The following AAGAB variants were observed in gnomAD, a reference collection of about 807,000 sequenced individuals.
AAGAB encodes the protein alpha and gamma adaptin binding protein.
A neutral mutation model predicts 44.1 loss-of-function variants in AAGAB; 38 were observed. The ratio of observed to expected loss-of-function variants is 0.86; its 90% CI spans 0.67 to 1.13. AAGAB has a LOEUF of 1.13. Among genes scored for constraint, AAGAB ranks in the 50% most tolerant of loss-of-function variants. The probability of loss-of-function intolerance (pLI) is 0.00; values close to 1 mark genes in which losing one functional copy is unlikely to be tolerated. For synonymous variants in AAGAB, 131 were observed against 131.8 expected, an observed-to-expected ratio of 0.99 and a Z score of 0.04; for missense variants, 450 against 373.8, an observed-to-expected ratio of 1.20 and a Z score of -1.68.
chr15:67,235,059 C>T (rs185360614), intron 4 of AAGAB, among the ~76,000 whole-genome samples: 3 of 152,288 alleles, frequency 2.0e-5, no homozygotes, highest in East Asian at 1.9e-4. Flanking sequence ...CTTTAATTCA[C>T]GTTGGTTGCC....
In AAGAB at chr15:67,247,183, C is replaced by T. The variant is rs143388013; in HGVS notation, c.73+7376G>A. On this transcript the variant is annotated intron_variant, in intron 1 of 9. Transcript: ENST00000261880. ...CTCCTGAAGTCAGCGAGACCACGAA[C>T]CCACCAGAAGGAAGAAACTCCGGAC... is the stretch of plus-strand genomic sequence containing the variant. 1.4e-3 allele frequency among the ~76,000 whole-genome samples: 208 copies of T among 152,228 alleles called. 4 individuals carry two copies. The South Asian group carries it at 0.019, about 14-fold the overall frequency.
intron 7 of AAGAB, 41 bp downstream of exon 7, chr15:67,208,521 T>G (rs1486085590): frequency 1.3e-6 from 2 of 1,565,028 alleles, no homozygotes; most frequent in Admixed American, 1.7e-5. Context: ...CTATTCCAAG[T>G]TGCACAAAGC....
intron 7 of AAGAB, among the ~76,000 whole-genome samples, chr15:67,205,252 T>C (rs866278203): frequency 6.6e-6 from 1 of 152,378 alleles, no homozygotes; most frequent in South Asian, 2.1e-4. Context: ...GATAGGATGA[T>C]GACTTATAAT....
intron 4 of AAGAB, among the ~76,000 whole-genome samples, chr15:67,235,587 C>A (rs926455959): frequency 6.6e-6 from 1 of 152,060 alleles, no homozygotes; most frequent in Non-Finnish European, 1.5e-5. Flanking sequence ...TGAAATGTCC[C>A]CTGCGATTCT....
chr15:67,253,088 AT>A (rs1964914014), intron 1 of AAGAB, among the ~76,000 whole-genome samples: 1 of 152,208 alleles, frequency 6.6e-6, no homozygotes, highest in Non-Finnish European at 1.5e-5. Flanking sequence ...AGACTCGGGG[AT>A]AAGCACAATC....
At chr15:67,225,345 T>C (rs937892898) in intron 5 of AAGAB, among the ~76,000 whole-genome samples, 1 of 152,236 alleles carries the variant, frequency 6.6e-6, no homozygotes, top group Non-Finnish European at 1.5e-5. Flanking sequence ...CCACCTTTTC[T>C]ACTATTACCA....
At chr15:67,241,535 C>T (rs540609619) in intron 1 of AAGAB, among the ~76,000 whole-genome samples, 5 of 152,210 alleles carry the variant, frequency 3.3e-5, no homozygotes, top group East Asian at 1.9e-4. Context: ...CCAGTACTAA[C>T]GAGAAGGGAG....
chr15:67,203,955 C>T (rs969376188), intron 8 of AAGAB, 89 bp downstream of exon 8: 1 of 800,236 alleles, frequency 1.2e-6, no homozygotes, highest in African/African-American at 1.7e-5. Flanking sequence ...ACAAGGAATC[C>T]AATCCAGCAG....
intron 5 of AAGAB, among the ~76,000 whole-genome samples, chr15:67,214,504 C>T (rs1170452571): frequency 6.6e-6 from 1 of 152,162 alleles, no homozygotes; most frequent in South Asian, 2.1e-4. Context: ...CCTGTGCATC[C>T]CCTGCCTCTA....
chr15:67,249,816 T>C (rs1337863517), intron 1 of AAGAB, among the ~76,000 whole-genome samples: 2 of 152,250 alleles, frequency 1.3e-5, no homozygotes, highest in African/African-American at 2.4e-5. Context: ...AGTCATTTAG[T>C]ATTTCCAAAG....
intron 1 of AAGAB, among the ~76,000 whole-genome samples, chr15:67,247,764 A>G (rs1457905060): frequency 6.6e-6 from 1 of 152,230 alleles, no homozygotes; most frequent in Non-Finnish European, 1.5e-5. Context: ...CAATAGAGTC[A>G]TTTTCATTTA....
At chr15:67,219,732 C>T (rs766582081) in intron 5 of AAGAB, among the ~76,000 whole-genome samples, 1 of 151,958 alleles carries the variant, frequency 6.6e-6, no homozygotes, top group Admixed American at 6.6e-5. Context: ...GTACATGTAC[C>T]CCCAATTCTA....
intron 7 of AAGAB, among the ~76,000 whole-genome samples, chr15:67,207,139 A>C (rs11071940): frequency 0.21 from 32,648 of 152,212 alleles, 4,212 homozygotes; most frequent in East Asian, 0.5. Context: ...CGGTGAGCCG[A>C]GATCGTGCCA....
At chr15:67,216,762 C>G (rs899822102) in intron 5 of AAGAB, among the ~76,000 whole-genome samples, 3 of 148,374 alleles carry the variant, frequency 2.0e-5, no homozygotes, top group African/African-American at 7.4e-5. Context: ...CAAGACTTTA[C>G]CATGAAAAAA....
intron 1 of AAGAB, among the ~76,000 whole-genome samples, chr15:67,241,211 G>C (rs1454247601): frequency 2.6e-5 from 4 of 152,116 alleles, no homozygotes; most frequent in Non-Finnish European, 5.9e-5. Flanking sequence ...TTCAGTAGTA[G>C]GGTAATTAAG....
At position 67,236,471 on chromosome 15, in the gene AAGAB, G is replaced by T; in HGVS notation, c.298C>A (p.Pro100Thr). ...SGLDSVSSWL[P>T]LAKAWLPEVM... ...TCAGGTAACCATGCTTTTGCCAGTG[G>T]AAGCCATGAGGAGACACTATCAAGG... Residue 100 changes from proline (P) to threonine (T), a missense_variant, in exon 3 of 10, where the codon CCA (proline) becomes ACA (threonine). By Grantham distance (38) the Pro-to-Thr change is conservative. Transcript: ENST00000261880. 1 of 1,614,026 alleles carries T rather than the reference G, an allele frequency of 6.2e-7. No homozygotes were observed. Among genetic ancestry groups the T allele is most frequent in the Non-Finnish European group, 8.5e-7 (1 of 1,179,980 alleles).
chr15:67,247,043 T>C lies in AAGAB; in HGVS notation c.73+7516A>G, dbSNP rs141410981. Among the ~76,000 whole-genome samples, 97 of 151,770 alleles carry C rather than the reference T, an allele frequency of 6.4e-4. 1 individual carries two copies. The highest frequency in any genetic ancestry group is 4.3e-3 in the Admixed American group (66 of 15,224). The stretch of plus-strand genomic sequence containing the variant: ...TGAGTTGTAACACTCACCGTGAGGG[T>C]CTGCAGCTTCATTCCTGAAGTCAGC... On this transcript the variant is annotated intron_variant, in intron 1 of 9. Coordinates refer to ENST00000261880, the MANE Select transcript of AAGAB (RefSeq NM_024666.5).
intron 1 of AAGAB, among the ~76,000 whole-genome samples, chr15:67,251,485 T>A (rs1381789852): frequency 3.3e-5 from 5 of 152,156 alleles, no homozygotes. Flanking sequence ...TGAACTCCTG[T>A]GCTCAAGTGA....
intron 1 of AAGAB, among the ~76,000 whole-genome samples, chr15:67,241,536 G>A (rs564054670): frequency 1.5e-4 from 23 of 152,146 alleles, no homozygotes; most frequent in African/African-American, 4.1e-4. Context: ...CAGTACTAAC[G>A]AGAAGGGAGA....
Sources: gnomAD v4.1 joint callset for allele counts (sites outside exome capture counted in the v4.1 genomes callset) on GRCh38, gnomAD v4.1.1 for gene constraint, MANE v1.5 for transcripts, NCBI Gene and HGNC (gene_info 2026-07-23, HGNC 2026-07-21) for gene names.